SMIM14: variants seen among roughly 807,000 people sequenced by gnomAD.
SMIM14 encodes the protein small integral membrane protein 14.
Under a neutral mutation model 12.6 loss-of-function variants are expected in SMIM14, and 5 were observed. The ratio of observed to expected loss-of-function variants is 0.40; its 90% CI spans 0.21 to 0.83. The LOEUF is 0.83. Among genes scored for constraint, SMIM14 ranks in the 40% least tolerant of loss-of-function variants. The pLI is 0.37. For synonymous variants in SMIM14, 30 were observed against 40.1 expected, an observed-to-expected ratio of 0.75 and a Z score of 0.95; for missense variants, 86 against 119.1, an observed-to-expected ratio of 0.72 and a Z score of 1.29.
chr4:39,573,698 TAAAG>T (rs1713016112), intron 2 of SMIM14, among the ~76,000 whole-genome samples: 1 of 150,944 alleles, frequency 6.6e-6, no homozygotes, highest in African/African-American at 2.4e-5. Context: ...TAGAAGCAGA[TAAAG>T]AAAAAAAAAC....
intron 1 of SMIM14, among the ~76,000 whole-genome samples, chr4:39,619,747 T>A (rs1404306306): frequency 7.4e-5 from 3 of 40,594 alleles, no homozygotes; most frequent in Admixed American, 2.1e-4. Context: ...TCAATAAATA[T>A]AATTTATTAT....
chr4:39,621,686 CTTTTTTTTTT>C (rs57206633), intron 1 of SMIM14, among the ~76,000 whole-genome samples: 1 of 105,450 alleles, frequency 9.5e-6, no homozygotes, highest in Non-Finnish European at 1.9e-5. Context: ...CCAAACGTTT[CTTTTTTTTTT>C]TTTTTTTTTT....
intron 2 of SMIM14, among the ~76,000 whole-genome samples, chr4:39,596,838 C>T (rs1714387534): frequency 6.6e-6 from 1 of 152,122 alleles, no homozygotes; most frequent in East Asian, 1.9e-4. Flanking sequence ...TGTAGTGGTG[C>T]AATCACACCT....
chr4:39,588,440 C>T (rs538818765), intron 2 of SMIM14, among the ~76,000 whole-genome samples: 2 of 152,110 alleles, frequency 1.3e-5, no homozygotes, highest in South Asian at 4.1e-4. Context: ...ATTGGTAAGA[C>T]CAATTGTATT....
intron 2 of SMIM14, among the ~76,000 whole-genome samples, chr4:39,583,751 A>G (rs1471669909): frequency 1.3e-5 from 2 of 150,174 alleles, no homozygotes; most frequent in Middle Eastern, 3.5e-3. Flanking sequence ...ATTTTACAAG[A>G]TAAGACCCTG....
intron 1 of SMIM14, among the ~76,000 whole-genome samples, chr4:39,619,820 T>G (rs1397357114): frequency 7.2e-6 from 1 of 138,882 alleles, no homozygotes; most frequent in African/African-American, 2.7e-5. Context: ...TCAAAAATAT[T>G]TATATGTATA....
At chr4:39,590,606 A>G (rs113754904) in intron 2 of SMIM14, among the ~76,000 whole-genome samples, 1 of 151,892 alleles carries the variant, frequency 6.6e-6, no homozygotes, top group African/African-American at 2.4e-5. Context: ...GTTCGAGACC[A>G]GCATGGCCAA....
intron 2 of SMIM14, chr4:39,594,666 C>CA (rs1560297512): frequency 1.4e-5 from 2 of 147,198 alleles, no homozygotes; most frequent in Non-Finnish European, 3.0e-5. Context: ...TGACAAAGGG[C>CA]TAATATCCAG....
At chr4:39,628,091 G>A (rs142905478) in intron 1 of SMIM14, among the ~76,000 whole-genome samples, 91 of 152,122 alleles carry the variant, frequency 6.0e-4, no homozygotes, top group African/African-American at 1.9e-3. Context: ...GGAGGACTAC[G>A]AGGTCAGGAA....
chr4:39,626,649 A>G (rs1047718201), intron 1 of SMIM14, among the ~76,000 whole-genome samples: 2 of 152,232 alleles, frequency 1.3e-5, no homozygotes, highest in Non-Finnish European at 2.9e-5. Context: ...TTTAAATTAA[A>G]TAATTGCATA....
At chr4:39,624,815 CG>C (rs1715627935) in intron 1 of SMIM14, among the ~76,000 whole-genome samples, 1 of 58,274 alleles carries the variant, frequency 1.7e-5, no homozygotes, top group African/African-American at 7.0e-5. Context: ...GACACCATCT[CG>C]AAAAAAAAAA....
intron 1 of SMIM14, among the ~76,000 whole-genome samples, chr4:39,634,484 A>T (rs1034303044): frequency 1.3e-5 from 2 of 152,236 alleles, no homozygotes; most frequent in Admixed American, 6.5e-5. Context: ...CTTCATTTGT[A>T]TGATACCTAC....
At chr4:39,610,535 A>AT (rs1200286035) in intron 1 of SMIM14, among the ~76,000 whole-genome samples, 1 of 151,724 alleles carries the variant, frequency 6.6e-6, no homozygotes, top group Non-Finnish European at 1.5e-5. Context: ...ACACACAAAA[A>AT]TTTTTTTTAA....
chr4:39,603,794 T>C (rs1714704265), intron 2 of SMIM14, among the ~76,000 whole-genome samples: 1 of 151,940 alleles, frequency 6.6e-6, no homozygotes, highest in African/African-American at 2.4e-5. Flanking sequence ...GCAGATCACC[T>C]GAGGTCAGGA....
At chr4:39,618,781 A>G (rs2110071113) in intron 1 of SMIM14, among the ~76,000 whole-genome samples, 1 of 151,888 alleles carries the variant, frequency 6.6e-6, no homozygotes, top group East Asian at 1.9e-4. Context: ...TAGCTTTTAT[A>G]TTTTTTAGGT....
At chr4:39,590,250 C>T (rs1227071905) in intron 2 of SMIM14, among the ~76,000 whole-genome samples, 1 of 151,288 alleles carries the variant, frequency 6.6e-6, no homozygotes, top group Non-Finnish European at 1.5e-5. Context: ...CCCGTCTCTA[C>T]TAAAAATACA....
chr4:39,565,480 C>G (rs28434779), intron 3 of SMIM14, among the ~76,000 whole-genome samples: 1 of 152,018 alleles, frequency 6.6e-6, no homozygotes, highest in African/African-American at 2.4e-5. Context: ...CAGGCCACCA[C>G]GCCTAGCTAA....
At chr4:39,557,788 G>GA (rs1232144717) in intron 3 of SMIM14, among the ~76,000 whole-genome samples, 2 of 152,050 alleles carry the variant, frequency 1.3e-5, no homozygotes, top group Non-Finnish European at 2.9e-5. Flanking sequence ...CCTTTGGGGG[G>GA]AAAAATCTGC....
intron 2 of SMIM14, among the ~76,000 whole-genome samples, chr4:39,604,533 T>C (rs59973231): frequency 0.34 from 51,120 of 151,568 alleles, 9,044 homozygotes; most frequent in Middle Eastern, 0.44. Flanking sequence ...CGAGACTCCA[T>C]CTCAAAATAA....
Sources: allele counts gnomAD v4.1 joint callset (sites outside exome capture counted in the v4.1 genomes callset), GRCh38; gene constraint gnomAD v4.1.1; transcripts MANE v1.5; gene names NCBI Gene and HGNC (gene_info 2026-07-23, HGNC 2026-07-21).